The following OSBPL5 variants were observed in gnomAD, a reference collection of about 807,000 sequenced individuals.
OSBPL5 encodes the protein oxysterol-binding protein-related protein 5.
Under a neutral mutation model 111.2 loss-of-function variants are expected in OSBPL5, and 71 were observed. The observed-to-expected ratio is 0.64, with a 90% CI of 0.53 to 0.78. The LOEUF is 0.78. OSBPL5 is among the 30% of genes least tolerant of loss of function. The probability of loss-of-function intolerance (pLI) is 0.00; values close to 1 mark genes in which losing one functional copy is unlikely to be tolerated. For missense variants in OSBPL5, 1,210 were observed against 1,189.3 expected (o/e 1.02, Z -0.26); for synonymous variants, 549 against 513.9 (o/e 1.07, Z -0.93).
At chr11:3,153,450 C>G (rs1846651860) in intron 1 of OSBPL5, among the ~76,000 whole-genome samples, 2 of 152,142 alleles carry the variant, frequency 1.3e-5, no homozygotes, top group African/African-American at 4.8e-5. Context: ...GAATAAGCTG[C>G]TCTTGTGTGG....
Position 3,104,511 on chromosome 11 carries a change from T to G in OSBPL5, c.1060-134A>C. ...GTGTAAACCCCTGACCTGGCCTCCA[T>G]GGCCTCATGAGGCTGACTCAGCCCC... On this transcript the variant is annotated intron_variant, in intron 9 of 21. Coordinates refer to ENST00000263650, the MANE Select transcript of OSBPL5 (RefSeq NM_020896.4). The surrounding 1 kb of genome is among the most constrained non-coding windows in gnomAD (Gnocchi z 5.0). The G allele has an allele frequency of 1.1e-6, 1 of 907,312 alleles. No homozygotes were observed. The highest frequency in any genetic ancestry group is 1.6e-6 in the Non-Finnish European group (1 of 619,192). 56.2% of individuals were successfully genotyped at this position (907,312 alleles called of 1,614,324 possible). A position where few individuals can be genotyped will look rare whatever the true frequency, so the allele number is the denominator to read the frequency against.
At chr11:3,089,576 C>T (rs987870380) in intron 21 of OSBPL5, among the ~76,000 whole-genome samples, 1 of 152,332 alleles carries the variant, frequency 6.6e-6, no homozygotes, top group East Asian at 1.9e-4. Flanking sequence ...CTGGCACCTT[C>T]CTCTAGGCTT....
In OSBPL5 at chr11:3,161,186, TC is replaced by T. The variant is rs1846954965; in HGVS notation, c.-22+4029del. On this transcript the variant is annotated intron_variant, in intron 1 of 21. Coordinates refer to ENST00000263650, the MANE Select transcript of OSBPL5 (RefSeq NM_020896.4). The surrounding 1 kb of genome is among the most constrained non-coding windows in gnomAD (Gnocchi z 8.0). Reference sequence around the variant, plus strand: ...AGGAATACTGTTCAGTTGTTGAGCCTCAACTTTCCCCTTCATCCTTGTCTTC... The same window carrying T: ...AGGAATACTGTTCAGTTGTTGAGCCTAACTTTCCCCTTCATCCTTGTCTTC... 6.6e-6 allele frequency: 1 copy of T among 152,338 alleles called. No individual in the cohort carries two copies. The highest frequency in any genetic ancestry group is 1.9e-4 in the East Asian group (1 of 5,184). 9.4% of individuals were successfully genotyped at this position (152,338 alleles called of 1,614,324 possible).
rs111640193 is a variant in OSBPL5, at chr11:3,154,910, TATAATA to T, written c.-22+10300_-22+10305del. On this transcript the variant is annotated intron_variant, in intron 1 of 21. Coordinates refer to ENST00000263650, the MANE Select transcript of OSBPL5 (RefSeq NM_020896.4). This position sits in a 1 kb window ranked among gnomAD's most constrained non-coding sequence, Gnocchi z 4.9. Reference sequence around the variant, plus strand: ...TGCACATGTACCCTAGAACTTAAAGTATAATAATAATAATAATAATAAAAAGAGCCC... The same window carrying T: ...TGCACATGTACCCTAGAACTTAAAGTATAATAATAATAATAAAAAGAGCCC... Among the ~76,000 whole-genome samples, 2,315 of 150,960 alleles carry T rather than the reference TATAATA, an allele frequency of 0.015. 65 individuals carry two copies. Among genetic ancestry groups the T allele is most frequent in the African/African-American group, 0.054 (2,207 of 41,124 alleles).
At chr11:3,143,259 C>T (rs976671397) in intron 1 of OSBPL5, among the ~76,000 whole-genome samples, 3 of 141,276 alleles carry the variant, frequency 2.1e-5, no homozygotes, top group South Asian at 2.3e-4. Flanking sequence ...AGGTGCGGAG[C>T]GGGGCAGAGG....
In OSBPL5 at chr11:3,129,126, C is replaced by T. The variant is rs374354189; in HGVS notation, c.23G>A (p.Arg8Gln). The T allele has an allele frequency of 2.2e-4, 326 of 1,485,956 alleles. No individual in the cohort carries two copies. Among genetic ancestry groups the T allele is most frequent in the Admixed American group, 2.9e-4 (12 of 42,022 alleles). The allele number at this position is 1,485,956 out of a possible 1,614,324, so 92.0% of individuals were successfully genotyped here. A position where few individuals can be genotyped will look rare whatever the true frequency, so the allele number is the denominator to read the frequency against. Residue 8 changes from arginine (R) to glutamine (Q), a missense_variant, in exon 2 of 22, where the codon CGG becomes CAG. Coordinates refer to ENST00000263650, the MANE Select transcript of OSBPL5 (RefSeq NM_020896.4). MKEEAFL[R>Q]RRFSLCPPSS... ...AGGTGGACACAGGGAGAAGCGGCGC[C>T]GGAGGAAGGCCTCCTCCTTCATGCT... is the stretch of plus-strand genomic sequence containing the variant.
rs1858191235 is a variant in OSBPL5, at chr11:3,115,880, T to TTC, written c.691+3666_691+3667insGA. On this transcript the variant is annotated intron_variant, in intron 7 of 21. Coordinates refer to ENST00000263650, the MANE Select transcript of OSBPL5 (RefSeq NM_020896.4). The stretch of plus-strand genomic sequence containing the variant: ...AAGAATGAAGGCTTTTGCCTTTTTT[T>TTC]TTTTTTTAAATCCTTGAGGTATCAC... Among the ~76,000 whole-genome samples, 4 of 152,070 alleles carry TTC rather than the reference T, an allele frequency of 2.6e-5. No homozygotes were observed. The South Asian group carries it at 8.3e-4, about 32-fold the overall frequency.
Position 3,106,483 on chromosome 11 carries a change from T to C in OSBPL5, c.1059+780A>G, listed in dbSNP as rs1414886592. ...CCCAGCGGAAGCTTAGATCCTGTGATTCCTTCCGGACTCCCCTTCCTGAGG... is the reference window on the plus strand; with the variant it reads ...CCCAGCGGAAGCTTAGATCCTGTGACTCCTTCCGGACTCCCCTTCCTGAGG... On this transcript the variant is annotated intron_variant, in intron 9 of 21. Transcript: ENST00000263650. The surrounding 1 kb of genome is among the most constrained non-coding windows in gnomAD (Gnocchi z 8.4). 6.6e-6 allele frequency among the ~76,000 whole-genome samples: 1 copy of C among 151,334 alleles called. No homozygotes were observed. The highest frequency in any genetic ancestry group is 1.5e-5 in the Non-Finnish European group (1 of 67,804).
At position 3,126,531 on chromosome 11, in the gene OSBPL5, G is replaced by T. The variant is rs35933962; in HGVS notation, c.161C>A (p.Pro54Gln). ...SPGKDMEPNG[P>Q]SLPRDEGPPT... ...GGGCCCTTCATCCCTGGGCAGCGAC[G>T]GGCCGTTGGGCTCCATGTCCTTCCC... The change falls in exon 3 of 22, where the codon CCG becomes CAG. Residue 54 changes from proline to glutamine, a missense_variant. Transcript: ENST00000263650. This position sits in a 1 kb window ranked among gnomAD's most constrained non-coding sequence, Gnocchi z 6.5. The T allele has an allele frequency of 2.5e-6, 4 of 1,608,384 alleles. No homozygotes were observed. In the African/African-American group the frequency reaches 4.0e-5, roughly 16 times the overall value.
rs576751842 is a variant in OSBPL5 at position 3,126,257 on chromosome 11, G to A, written c.219+216C>T. Among the ~76,000 whole-genome samples the A allele has an allele frequency of 2.0e-5, 3 of 152,294 alleles. No homozygotes were observed. The South Asian group carries it at 6.2e-4, about 32-fold the overall frequency. Reference sequence around the variant, plus strand: ...AAATACACGTGCACACATGTTCACGGAAGCATTTTTCATGACAGCTATATG... The same window carrying A: ...AAATACACGTGCACACATGTTCACGAAAGCATTTTTCATGACAGCTATATG... On this transcript the variant is annotated intron_variant, in intron 3 of 21. Transcript: ENST00000263650. This position sits in a 1 kb window ranked among gnomAD's most constrained non-coding sequence, Gnocchi z 6.5.
At chr11:3,124,420 G>A (rs1054841449) in intron 3 of OSBPL5, among the ~76,000 whole-genome samples, 1 of 152,162 alleles carries the variant, frequency 6.6e-6, no homozygotes, top group Non-Finnish European at 1.5e-5. Context: ...AGGCCTCCAG[G>A]GACCCAGGCT....
chr11:3,107,825 G>T lies in OSBPL5; in HGVS notation c.812C>A (p.Ser271Ter), dbSNP rs372197696. Reference sequence around the variant, plus strand: ...GGCTGAGGCTGGCAGCCCACAGAGCGATGAGGGTGATGCGTCTGGCGAGGT... The same window carrying T: ...GGCTGAGGCTGGCAGCCCACAGAGCTATGAGGGTGATGCGTCTGGCGAGGT... The part of the protein sequence containing the change: ...PGTSPDASPS[S>*]LCGLPASATV... The change falls in exon 8 of 22, where the codon TCG becomes TAG. Residue 271 changes from serine (S) to a stop codon, truncating the protein, a stop_gained. Coordinates refer to ENST00000263650, the MANE Select transcript of OSBPL5 (RefSeq NM_020896.4). LOFTEE classifies it high-confidence loss of function. This position sits in a 1 kb window ranked among gnomAD's most constrained non-coding sequence, Gnocchi z 6.1. 5 of 1,612,408 alleles carry T rather than the reference G, an allele frequency of 3.1e-6. No homozygotes were observed. The highest frequency in any genetic ancestry group is 4.2e-6 in the Non-Finnish European group (5 of 1,179,984).
chr11:3,107,276 T>G lies in OSBPL5; in HGVS notation c.1046A>C (p.Glu349Ala), dbSNP rs1350610078. The change falls in exon 9 of 22, where the codon GAG (glutamate) becomes GCG (alanine). Residue 349 changes from glutamate (E) to alanine (A), a missense_variant. Coordinates refer to ENST00000263650, the MANE Select transcript of OSBPL5 (RefSeq NM_020896.4). The surrounding 1 kb of genome is among the most constrained non-coding windows in gnomAD (Gnocchi z 6.1). ...RGTTYVEQVQ[E>A]ELGELGEASQ... ...GGGGGCTCTCACCTCCCCCAGCTCC[T>G]CCTGGACCTGCTCCACATAGGTGGT... 1 of 1,613,074 alleles carries G rather than the reference T, an allele frequency of 6.2e-7. No individual in the cohort carries two copies. Among genetic ancestry groups the G allele is most frequent in the Non-Finnish European group, 8.5e-7 (1 of 1,179,872 alleles).
In OSBPL5 at chr11:3,122,383, G is replaced by C. The variant is rs748044156; in HGVS notation, c.265C>G (p.Pro89Ala). Residue 89 changes from proline to alanine, a missense_variant, in exon 4 of 22, where the codon CCC becomes GCC. Transcript: ENST00000263650. ...CNGSDKECVS[P>A]TARVTKKETL... Reference sequence around the variant, plus strand: ...TCCTTCTTGGTGACCCTGGCGGTGGGGGACACACATTCCTTGTCTGACCCG... The same window carrying C: ...TCCTTCTTGGTGACCCTGGCGGTGGCGGACACACATTCCTTGTCTGACCCG... 1 of 1,613,916 alleles carries C rather than the reference G, an allele frequency of 6.2e-7. No homozygotes were observed. The highest frequency in any genetic ancestry group is 1.1e-5 in the South Asian group (1 of 91,064).
intron 1 of OSBPL5, among the ~76,000 whole-genome samples, chr11:3,131,103 A>G (rs897575972): frequency 6.6e-6 from 1 of 152,112 alleles, no homozygotes; most frequent in East Asian, 1.9e-4. Context: ...ACCTAGCCTC[A>G]GCTGCCCTGT....
At chr11:3,103,788 C>CATTCCAGCCTCTGCAGCCCCA (rs199671886) in intron 10 of OSBPL5, among the ~76,000 whole-genome samples, 4 of 61,282 alleles carry the variant, frequency 6.5e-5, no homozygotes, top group Admixed American at 1.7e-4. Flanking sequence ...TCTGCAGTCC[C>CATTCCAGCCTCTGCAGCCCCA]TTCCTGCCTC....
At position 3,091,386 on chromosome 11, in the gene OSBPL5, G is replaced by A. The variant is rs576353980; in HGVS notation, c.2260-690C>T. ...CAGCGACGGGGCAGGTGGGGTCAGA[G>A]CCAGGACAGGTGGGGTCAGAGGCGG... On this transcript the variant is annotated intron_variant, in intron 19 of 21. Coordinates refer to ENST00000263650, the MANE Select transcript of OSBPL5 (RefSeq NM_020896.4). Among the ~76,000 whole-genome samples, 33 of 152,236 alleles carry A rather than the reference G, an allele frequency of 2.2e-4. 1 individual carries two copies. In the South Asian group the frequency reaches 6.8e-3, roughly 32 times the overall value.
Position 3,092,065 on chromosome 11 carries a change from G to A in OSBPL5, c.2259+367C>T, listed in dbSNP as rs1345562973. Among the ~76,000 whole-genome samples, 1 of 152,202 alleles carries A rather than the reference G, an allele frequency of 6.6e-6. No homozygotes were observed. The highest frequency in any genetic ancestry group is 2.4e-5 in the African/African-American group (1 of 41,442). Reference sequence around the variant, plus strand: ...TCCCCTTTCCAGACACAAGATCTGTGCAAGTGCTGGCTCCTCCTCCTCCTA... The same window carrying A: ...TCCCCTTTCCAGACACAAGATCTGTACAAGTGCTGGCTCCTCCTCCTCCTA... On this transcript the variant is annotated intron_variant, in intron 19 of 21. Coordinates refer to ENST00000263650, the MANE Select transcript of OSBPL5 (RefSeq NM_020896.4). The surrounding 1 kb of genome is among the most constrained non-coding windows in gnomAD (Gnocchi z 5.4).
rs1170280743 is a variant in OSBPL5 at position 3,104,150 on chromosome 11, T to C, written c.1244+43A>G. 4.5e-6 allele frequency: 7 copies of C among 1,568,568 alleles called. No homozygotes were observed. Among genetic ancestry groups the C allele is most frequent in the Non-Finnish European group, 6.1e-6 (7 of 1,151,656 alleles). ...GGGGTGCTGCAGGGTCTCATGCAGA[T>C]GCAGGACGAGGTGTGGGGTGCCCCT... On this transcript the variant is annotated intron_variant, in intron 10 of 21. Transcript: ENST00000263650. The surrounding 1 kb of genome is among the most constrained non-coding windows in gnomAD (Gnocchi z 5.0).
Sources: gnomAD v4.1 joint callset for allele counts (sites outside exome capture counted in the v4.1 genomes callset) on GRCh38, gnomAD v4.1.1 for gene constraint, Gnocchi (gnomAD v3.1) non-coding constraint, MANE v1.5 for transcripts, NCBI Gene and HGNC (gene_info 2026-07-23, HGNC 2026-07-21) for gene names.